Variants in RABGAP1L observed in about 807,000 individuals in gnomAD.
RABGAP1L encodes RAB GTPase activating protein 1 like.
A neutral mutation model predicts 137.7 loss-of-function variants in RABGAP1L; 63 were observed. The observed-to-expected ratio is 0.46, with a 90% CI of 0.37 to 0.56. The LOEUF (loss-of-function observed/expected upper bound fraction) is 0.56. Among genes scored for constraint, RABGAP1L ranks in the 20% least tolerant of loss-of-function variants. The pLI is 0.00. For synonymous variants in RABGAP1L, 431 were observed against 433.7 expected (o/e 0.99, Z 0.08); for missense variants, 1,095 against 1,244.0 (o/e 0.88, Z 1.80).
chr1:174,199,523 C>T (rs564895719), intron 1 of RABGAP1L, among the ~76,000 whole-genome samples: 12 of 152,212 alleles, frequency 7.9e-5, no homozygotes, highest in East Asian at 3.9e-4. Flanking sequence ...AACTCCTGAC[C>T]GCAAGTGATC....
intron 13 of RABGAP1L, among the ~76,000 whole-genome samples, chr1:174,547,029 CAAAAAAAAAAAA>C (rs375413887): frequency 0.36 from 27,976 of 78,510 alleles, 3,367 homozygotes; most frequent in South Asian, 0.45. Flanking sequence ...GACTCTGTCT[CAAAAAAAAAAAA>C]AAAAAAAAAA....
chr1:174,461,301 T>C (rs560758828), intron 13 of RABGAP1L, among the ~76,000 whole-genome samples: 1 of 152,110 alleles, frequency 6.6e-6, no homozygotes, highest in Non-Finnish European at 1.5e-5. Context: ...AGTTAAGCAC[T>C]GACCCCAGGC....
At chr1:174,590,100 A>AT (rs1017661652) in intron 13 of RABGAP1L, among the ~76,000 whole-genome samples, 14 of 79,966 alleles carry the variant, frequency 1.8e-4, no homozygotes, top group African/African-American at 5.9e-4. Flanking sequence ...ATATCTTTCC[A>AT]TTTTTTGTGA....
At chr1:174,844,004 T>C (rs1287034515) in intron 19 of RABGAP1L, among the ~76,000 whole-genome samples, 1 of 145,738 alleles carries the variant, frequency 6.9e-6, no homozygotes, top group African/African-American at 2.5e-5. Flanking sequence ...TTTCATGTGT[T>C]TTTTGGCTGC....
intron 17 of RABGAP1L, among the ~76,000 whole-genome samples, chr1:174,718,837 CTTT>C (rs11337437): frequency 3.6e-4 from 38 of 106,404 alleles, no homozygotes; most frequent in Admixed American, 7.0e-4. Context: ...TTTTCTTTTC[CTTT>C]TTTTTTTTTT....
At chr1:174,742,823 T>C (rs1191073044) in intron 17 of RABGAP1L, among the ~76,000 whole-genome samples, 1 of 152,202 alleles carries the variant, frequency 6.6e-6, no homozygotes, top group African/African-American at 2.4e-5. Context: ...AACATGTGTT[T>C]AGGGACTTTA....
rs577695538 is a variant in RABGAP1L at position 174,431,044 on chromosome 1, A to C, written c.1710+36899A>C. Among the ~76,000 whole-genome samples, 30 of 152,276 alleles carry C rather than the reference A, an allele frequency of 2.0e-4. No individual in the cohort carries two copies. The South Asian group carries it at 4.6e-3, about 23-fold the overall frequency. Reference sequence around the variant, plus strand: ...ACAATAAGATATCCTAAAAAATAGCAATTTTCTTTTATAAGAGAAAATTTT... The same window carrying C: ...ACAATAAGATATCCTAAAAAATAGCCATTTTCTTTTATAAGAGAAAATTTT... On this transcript the variant is annotated intron_variant, in intron 13 of 25. Coordinates refer to ENST00000681986, the MANE Select transcript of RABGAP1L (RefSeq NM_001366446.1).
intron 11 of RABGAP1L, among the ~76,000 whole-genome samples, chr1:174,332,886 A>G (rs897327252): frequency 6.6e-6 from 1 of 151,312 alleles, no homozygotes; most frequent in South Asian, 2.1e-4. Flanking sequence ...TTCCATGTTT[A>G]TTTATAATAG....
intron 23 of RABGAP1L, 48 bp from the exon 24 acceptor site, chr1:174,982,786 G>T: frequency 1.3e-6 from 2 of 1,517,244 alleles, no homozygotes; most frequent in South Asian, 1.2e-5. Context: ...TGTACATGCT[G>T]CAAGAGTTGT....
At chr1:174,374,348 G>T (rs752638572) in intron 12 of RABGAP1L, among the ~76,000 whole-genome samples, 1 of 151,922 alleles carries the variant, frequency 6.6e-6, no homozygotes, top group Non-Finnish European at 1.5e-5. Context: ...ATAGTCTTCC[G>T]TTGTGGCCAC....
chr1:174,532,761 G>A (rs1205510862), intron 13 of RABGAP1L, among the ~76,000 whole-genome samples: 2 of 151,856 alleles, frequency 1.3e-5, no homozygotes, highest in African/African-American at 2.4e-5. Context: ...TACATATAAC[G>A]GAATACTATA....
chr1:174,885,794 C>T (rs1207431009), intron 19 of RABGAP1L, among the ~76,000 whole-genome samples: 2 of 151,600 alleles, frequency 1.3e-5, no homozygotes, highest in South Asian at 2.1e-4. Flanking sequence ...AGTGAAACCC[C>T]GTCTCCACTA....
chr1:174,741,855 CAAAAAAA>C (rs775821774), intron 17 of RABGAP1L, among the ~76,000 whole-genome samples: 1 of 41,896 alleles, frequency 2.4e-5, no homozygotes, highest in Non-Finnish European at 4.1e-5. Context: ...CCTATTTCTA[CAAAAAAA>C]AAAAAAAAAA....
intron 11 of RABGAP1L, among the ~76,000 whole-genome samples, chr1:174,332,594 C>T (rs1681127600): frequency 6.6e-6 from 1 of 151,916 alleles, no homozygotes; most frequent in Non-Finnish European, 1.5e-5. Context: ...TGGGGTTTTC[C>T]CATTTTGGCC....
chr1:174,988,463 T>C (rs1671793884), intron 24 of RABGAP1L, among the ~76,000 whole-genome samples, 178 bp from the exon 25 acceptor site: 1 of 152,198 alleles, frequency 6.6e-6, no homozygotes, highest in South Asian at 2.1e-4. Context: ...AGCACCCGTC[T>C]TGGATAGTTG....
intron 3 of RABGAP1L, among the ~76,000 whole-genome samples, chr1:174,224,599 C>G (rs1162019938): frequency 1.3e-5 from 2 of 152,130 alleles, no homozygotes; most frequent in South Asian, 2.1e-4. Context: ...AGTTGTTTCT[C>G]TGTTATAGAG....
chr1:174,850,405 G>A lies in RABGAP1L; in HGVS notation c.2340+38445G>A, dbSNP rs142184471. Among the ~76,000 whole-genome samples, 4 of 152,220 alleles carry A rather than the reference G, an allele frequency of 2.6e-5. No homozygotes were observed. The East Asian group carries it at 7.7e-4, about 29-fold the overall frequency. ...ACTAGTAAACAGTTATTATTCCCAG[G>A]GAACAGAACTGGGACTGAGGGACAT... On this transcript the variant is annotated intron_variant, in intron 19 of 25. Coordinates refer to ENST00000681986, the MANE Select transcript of RABGAP1L (RefSeq NM_001366446.1).
Position 174,798,574 on chromosome 1 carries a change from G to A in RABGAP1L, c.2212-13258G>A, listed in dbSNP as rs563722630. On this transcript the variant is annotated intron_variant, in intron 18 of 25. Transcript: ENST00000681986. ...AACCAAATAATATATTGTTAAGGGA[G>A]GCAGAATCTCCCTTCCTATTTCTTT... Among the ~76,000 whole-genome samples the A allele has an allele frequency of 3.3e-5, 5 of 152,126 alleles. No individual in the cohort carries two copies. The East Asian group carries it at 9.7e-4, about 29-fold the overall frequency.
At chr1:174,829,201 T>G (rs905581355) in intron 19 of RABGAP1L, among the ~76,000 whole-genome samples, 1 of 147,950 alleles carries the variant, frequency 6.8e-6, no homozygotes, top group African/African-American at 2.5e-5. Context: ...TTTATTGAGG[T>G]AACAAACCCT....
Sources: gnomAD v4.1 joint callset for allele counts (sites outside exome capture counted in the v4.1 genomes callset) on GRCh38, gnomAD v4.1.1 for gene constraint, MANE v1.5 for transcripts, NCBI Gene and HGNC (gene_info 2026-07-23, HGNC 2026-07-21) for gene names.